Variants in CRYL1 observed in about 807,000 individuals in gnomAD.
The protein encoded by CRYL1 is lambda-crystallin homolog.
CRYL1 carries 29 observed loss-of-function variants against 36.6 expected under a neutral mutation model. The ratio of observed to expected loss-of-function variants is 0.79; its 90% confidence interval spans 0.59 to 1.08. CRYL1 has a LOEUF of 1.08. CRYL1 is among the 50% of genes least tolerant of loss of function. The pLI, the probability that CRYL1 is intolerant of heterozygous loss-of-function variation, is 0.00. For missense variants in CRYL1, 411 were observed against 407.9 expected (o/e 1.01, Z -0.06); for synonymous variants, 152 against 151.5 (o/e 1.00, Z -0.02).
rs2032313570 is a variant in CRYL1, at chr13:20,439,703, C to T, written c.328G>A (p.Asp110Asn). The change falls in exon 4 of 8, where the codon GAT becomes AAT. Residue 110 changes from aspartate (D) to asparagine (N), a missense_variant. Asp to Asn is a conservative substitution (Grantham distance 23, BLOSUM62 1). Transcript: ENST00000298248. The stretch of plus-strand genomic sequence containing the variant: ...ATCACTCGATCATCAATGATGGAAT[C>T]TAACTGAGCAAAAATCTTCTTCTTC... ...ELKKKIFAQL[D>N]SIIDDRVILS... 2 of 1,613,780 alleles carry T rather than the reference C, an allele frequency of 1.2e-6. No homozygotes were observed. The highest frequency in any genetic ancestry group is 2.2e-5 in the East Asian group (1 of 44,870).
chr13:20,525,849 G>C lies in CRYL1; in HGVS notation c.-55C>G. ...GCTGGGACCAGGCGCCGGCGGAGCT[G>C]CGAGCTCTGGGCTCCGGGGAGGGCG... On this transcript the variant is annotated 5_prime_UTR_variant, in exon 1 of 8. Coordinates refer to ENST00000298248, the MANE Select transcript of CRYL1 (RefSeq NM_015974.3). This position sits in a 1 kb window ranked among gnomAD's most constrained non-coding sequence, Gnocchi z 4.3. The C allele has an allele frequency of 3.3e-6, 4 of 1,198,398 alleles. No homozygotes were observed. The highest frequency in any genetic ancestry group is 4.2e-6 in the Non-Finnish European group (4 of 961,804). The allele number at this position is 1,198,398 out of a possible 1,614,324, so 74.2% of individuals were successfully genotyped here.
intron 3 of CRYL1, among the ~76,000 whole-genome samples, chr13:20,466,418 T>C (rs1013919301): frequency 6.6e-6 from 1 of 152,208 alleles, no homozygotes; most frequent in African/African-American, 2.4e-5. Flanking sequence ...ATCTAAAATT[T>C]TTAAAGAGTT....
intron 3 of CRYL1, among the ~76,000 whole-genome samples, chr13:20,480,301 A>C (rs2033250096): frequency 1.3e-5 from 2 of 152,058 alleles, no homozygotes; most frequent in African/African-American, 4.8e-5. Context: ...GAATCACTTG[A>C]ACCCAGGAGG....
intron 5 of CRYL1, among the ~76,000 whole-genome samples, chr13:20,414,816 G>A (rs898380300): frequency 3.9e-5 from 6 of 152,200 alleles, no homozygotes; most frequent in Non-Finnish European, 7.4e-5. Context: ...CTCCACTGAG[G>A]TCCCTCCCGT....
At chr13:20,487,482 A>G (rs1371087963) in intron 3 of CRYL1, among the ~76,000 whole-genome samples, 2 of 152,240 alleles carry the variant, frequency 1.3e-5, no homozygotes, top group African/African-American at 4.8e-5. Context: ...TGTAATGAAG[A>G]CAAACATGCT....
chr13:20,509,044 T>G (rs1254355224), intron 2 of CRYL1, among the ~76,000 whole-genome samples: 3 of 148,346 alleles, frequency 2.0e-5, no homozygotes, highest in Non-Finnish European at 4.5e-5. Context: ...AAATACCAAA[T>G]TTAACCAGGC....
In CRYL1 at chr13:20,480,667, C is replaced by T. The variant is rs142876506; in HGVS notation, c.276+8703G>A. On this transcript the variant is annotated intron_variant, in intron 3 of 7. Transcript: ENST00000298248. ...CTGAGACACAGGCAGGTCACTGCCT[C>T]GTCCATCACTGCAGGGCCTGCCAGC... Among the ~76,000 whole-genome samples the T allele has an allele frequency of 2.3e-4, 35 of 152,326 alleles. No homozygotes were observed. The East Asian group carries it at 6.0e-3, about 26-fold the overall frequency.
intron 3 of CRYL1, among the ~76,000 whole-genome samples, chr13:20,482,466 A>G (rs1278687227): frequency 6.6e-6 from 1 of 152,218 alleles, no homozygotes; most frequent in South Asian, 2.1e-4. Context: ...TTTTCAGAGT[A>G]AACTTATTTT....
At chr13:20,406,211 C>T (rs562357508) in intron 6 of CRYL1, 2 of 152,208 alleles carry the variant, frequency 1.3e-5, no homozygotes, top group East Asian at 1.9e-4. Context: ...CCACAAAAAC[C>T]GTGGATGATT....
chr13:20,471,127 G>T (rs2033049825), intron 3 of CRYL1, among the ~76,000 whole-genome samples: 1 of 152,000 alleles, frequency 6.6e-6, no homozygotes, highest in African/African-American at 2.4e-5. Flanking sequence ...GTACGGGGGT[G>T]GTTGTGTGTG....
chr13:20,426,742 A>G lies in CRYL1; in HGVS notation c.633+5360T>C, dbSNP rs1304709146. 3.0e-6 allele frequency: 3 copies of G among 985,296 alleles called. No individual in the cohort carries two copies. In the East Asian group the frequency reaches 3.4e-4, roughly 112 times the overall value. 61.0% of individuals were successfully genotyped at this position (985,296 alleles called of 1,614,324 possible). ...ATGATCTTTGAGATACACTTCATTA[A>G]CTAAAACAATGTCTCCTAACAGTTG... On this transcript the variant is annotated intron_variant, in intron 5 of 7. Transcript: ENST00000298248.
At position 20,425,019 on chromosome 13, in the gene CRYL1, T is replaced by C. The variant is rs188423664; in HGVS notation, c.633+7083A>G. Among the ~76,000 whole-genome samples, 6 of 152,292 alleles carry C rather than the reference T, an allele frequency of 3.9e-5. No individual in the cohort carries two copies. Among genetic ancestry groups the C allele is most frequent in the Admixed American group, 6.5e-5 (1 of 15,306 alleles). On this transcript the variant is annotated intron_variant, in intron 5 of 7. Transcript: ENST00000298248. This position sits in a 1 kb window ranked among gnomAD's most constrained non-coding sequence, Gnocchi z 4.4. ...CCTACACACTGGGCCCATCGCTCTA[T>C]GTGACTTCGTGCCAAGACCACACAG...
At chr13:20,507,691 G>A (rs543922360) in intron 2 of CRYL1, among the ~76,000 whole-genome samples, 127 of 151,768 alleles carry the variant, frequency 8.4e-4, no homozygotes, top group African/African-American at 3.0e-3. Flanking sequence ...GGCCAAGGCA[G>A]GCGGATCACA....
intron 2 of CRYL1, among the ~76,000 whole-genome samples, chr13:20,512,176 C>T (rs1378528405): frequency 6.6e-6 from 1 of 152,234 alleles, no homozygotes; most frequent in Non-Finnish European, 1.5e-5. Flanking sequence ...GGGCAAACAG[C>T]TGGAGAAGCC....
intron 3 of CRYL1, among the ~76,000 whole-genome samples, chr13:20,458,386 A>G (rs1392547455): frequency 6.6e-6 from 1 of 152,236 alleles, no homozygotes; most frequent in Non-Finnish European, 1.5e-5. Flanking sequence ...GAATTAAAAC[A>G]GGAGCTTGAC....
intron 4 of CRYL1, among the ~76,000 whole-genome samples, chr13:20,437,490 G>A (rs2032254795): frequency 6.6e-6 from 1 of 152,004 alleles, no homozygotes; most frequent in African/African-American, 2.4e-5. Context: ...TGTATTTTTA[G>A]TAGAGACGGG....
At chr13:20,440,272 T>G (rs994163257) in intron 3 of CRYL1, among the ~76,000 whole-genome samples, 1 of 152,230 alleles carries the variant, frequency 6.6e-6, no homozygotes, top group South Asian at 2.1e-4. Context: ...AAACTTACAA[T>G]AAATACATCT....
intron 3 of CRYL1, among the ~76,000 whole-genome samples, chr13:20,463,768 A>T (rs1382533035): frequency 1.3e-5 from 2 of 152,244 alleles, no homozygotes; most frequent in African/African-American, 4.8e-5. Context: ...ATATGGAGAA[A>T]TGAAAACTCA....
At chr13:20,454,143 A>C (rs942509457) in intron 3 of CRYL1, among the ~76,000 whole-genome samples, 1 of 152,202 alleles carries the variant, frequency 6.6e-6, no homozygotes. Flanking sequence ...CATTCTATGA[A>C]GGCAGAATCA....
Sources: gnomAD v4.1 joint callset for allele counts (sites outside exome capture counted in the v4.1 genomes callset) on GRCh38, gnomAD v4.1.1 for gene constraint, Gnocchi (gnomAD v3.1) non-coding constraint, MANE v1.5 for transcripts, NCBI Gene and HGNC (gene_info 2026-07-23, HGNC 2026-07-21) for gene names.